Variants in NEBL observed in about 807,000 individuals in gnomAD.
The protein encoded by NEBL is nebulette, also known as LIM and SH3 protein 2.
In NEBL, 122 loss-of-function variants were observed where a neutral mutation model predicts 140.2. That is an observed-to-expected ratio of 0.87 (90% confidence interval 0.75 to 1.01). The LOEUF is 1.01. Ranked by LOEUF, NEBL falls within the 50% of genes least tolerant of loss-of-function variation. The probability of loss-of-function intolerance (pLI) is 0.00; values close to 1 mark genes in which losing one functional copy is unlikely to be tolerated. For missense variants in NEBL, 1,365 were observed against 1,231.3 expected (o/e 1.11, Z -1.62); for synonymous variants, 436 against 398.9 (o/e 1.09, Z -1.11).
intron 2 of NEBL, among the ~76,000 whole-genome samples, chr10:21,097,464 A>T (rs946683670): frequency 6.6e-6 from 1 of 152,180 alleles, no homozygotes; most frequent in African/African-American, 2.4e-5. Flanking sequence ...GTCCCCAAAA[A>T]AATACATAAA....
intron 3 of NEBL, among the ~76,000 whole-genome samples, chr10:20,963,169 T>G (rs1233157787): frequency 6.6e-6 from 1 of 152,140 alleles, no homozygotes; most frequent in Non-Finnish European, 1.5e-5. Flanking sequence ...TCAAATAAAC[T>G]GCAATATTTT....
At chr10:21,233,774 A>AATGCATATAT (rs1346762966) in intron 3 of NEBL, among the ~76,000 whole-genome samples, 1 of 131,576 alleles carries the variant, frequency 7.6e-6, no homozygotes, top group Non-Finnish European at 1.6e-5. Flanking sequence ...ATTACATATA[A>AATGCATATAT]ATGCATATAT....
intron 2 of NEBL, among the ~76,000 whole-genome samples, chr10:21,101,151 G>T (rs1229356756): frequency 6.6e-6 from 1 of 152,182 alleles, no homozygotes; most frequent in Non-Finnish European, 1.5e-5. Context: ...TCCCCTCTGT[G>T]TCACTTCCTG....
At chr10:20,962,008 C>T (rs755243877) in intron 3 of NEBL, among the ~76,000 whole-genome samples, 31 of 152,162 alleles carry the variant, frequency 2.0e-4, no homozygotes, top group Non-Finnish European at 3.8e-4. Flanking sequence ...ACTCTGTGCT[C>T]AGTGGTGTCA....
At chr10:20,878,228 CAA>C (rs1325674369) in intron 5 of NEBL, among the ~76,000 whole-genome samples, 2 of 152,100 alleles carry the variant, frequency 1.3e-5, no homozygotes, top group East Asian at 1.9e-4. Flanking sequence ...ACTAAAGGCA[CAA>C]GAGAGAGACA....
intron 4 of NEBL, among the ~76,000 whole-genome samples, chr10:20,930,783 C>T (rs1340739921): frequency 1.3e-5 from 2 of 152,160 alleles, no homozygotes; most frequent in African/African-American, 4.8e-5. Flanking sequence ...TCCTCTTTTA[C>T]CACACAGGAG....
intron 1 of NEBL, among the ~76,000 whole-genome samples, chr10:21,265,880 G>C (rs1490279591): frequency 2.0e-5 from 3 of 152,212 alleles, no homozygotes; most frequent in Admixed American, 6.5e-5. Flanking sequence ...GTGGTGGCTG[G>C]ATTTGGTCCT....
intron 3 of NEBL, among the ~76,000 whole-genome samples, chr10:21,228,261 C>A (rs977355712): frequency 6.6e-6 from 1 of 152,098 alleles, no homozygotes; most frequent in Non-Finnish European, 1.5e-5. Flanking sequence ...TCACGCAATG[C>A]TCCCGCCTCA....
chr10:21,029,391 C>G, intron 2 of NEBL: 2 of 1,611,472 alleles, frequency 1.2e-6, no homozygotes, highest in Admixed American at 1.7e-5. Context: ...GTGAACCCAG[C>G]AATCCAGAGA....
chr10:20,808,656 T>G lies in NEBL; in HGVS notation c.2615A>C (p.Lys872Thr). Residue 872 changes from lysine (K) to threonine (T), a missense_variant, in exon 26 of 28, where the codon AAG becomes ACG. Transcript: ENST00000377122. ...CCAGTGTCGCCTATAGTGACTCGCC[T>G]TTTCTATATTGGAGGGAAAATATTT... ...QSRSLHMLSEKASHYRRHWSR... is the reference protein window; with the variant it reads ...QSRSLHMLSETASHYRRHWSR... 1 of 1,612,226 alleles carries G rather than the reference T, an allele frequency of 6.2e-7. No individual in the cohort carries two copies. Among genetic ancestry groups the G allele is most frequent in the Non-Finnish European group, 8.5e-7 (1 of 1,178,454 alleles).
chr10:21,070,688 C>T (rs1835778463), intron 2 of NEBL, among the ~76,000 whole-genome samples: 1 of 152,140 alleles, frequency 6.6e-6, no homozygotes, highest in Admixed American at 6.6e-5. Flanking sequence ...TGCTTACCCA[C>T]AACAAGACCT....
chr10:20,898,500 TAC>T (rs1471614078), upstream of NEBL, among the ~76,000 whole-genome samples: 1 of 152,146 alleles, frequency 6.6e-6, no homozygotes, highest in African/African-American at 2.4e-5. Flanking sequence ...AAAAACATTC[TAC>T]ACAGTCATCA....
intron 3 of NEBL, among the ~76,000 whole-genome samples, chr10:21,212,351 G>C (rs922641643): frequency 3.9e-5 from 6 of 151,998 alleles, no homozygotes; most frequent in Admixed American, 3.9e-4. Context: ...GACAAACAAA[G>C]ATTTCCCAAT....
At chr10:20,916,036 T>C (rs955955908) in intron 4 of NEBL, among the ~76,000 whole-genome samples, 1 of 152,260 alleles carries the variant, frequency 6.6e-6, no homozygotes, top group African/African-American at 2.4e-5. Context: ...GATAAACCGT[T>C]ATTAACTAAG....
rs370026081 is a variant in NEBL, at chr10:20,845,253, C to T, written c.1227+5G>A. On this transcript the variant is annotated splice_donor_5th_base_variant and intron_variant, in intron 12 of 27. Coordinates refer to ENST00000377122, the MANE Select transcript of NEBL (RefSeq NM_006393.3). ...AATATTTAATAATAAACACCAAGAT[C>T]GTACCTCCCTCAGAAGGTTGGTGAT... 166 of 1,516,954 alleles carry T rather than the reference C, an allele frequency of 1.1e-4. No individual in the cohort carries two copies. The highest frequency in any genetic ancestry group is 6.8e-4 in the Middle Eastern group (4 of 5,848). 94.0% of individuals were successfully genotyped at this position (1,516,954 alleles called of 1,614,324 possible).
chr10:21,162,849 A>G (rs898524311), intron 2 of NEBL, among the ~76,000 whole-genome samples: 8 of 152,246 alleles, frequency 5.3e-5, no homozygotes, highest in African/African-American at 1.9e-4. Flanking sequence ...TGCCTTAAGG[A>G]TCAAAGTCAC....
upstream of NEBL, among the ~76,000 whole-genome samples, chr10:21,176,759 G>A (rs977994851): frequency 5.3e-5 from 8 of 152,102 alleles, no homozygotes; most frequent in African/African-American, 1.9e-4. Flanking sequence ...TCCGCTGACA[G>A]GGACACTCAC....
At chr10:20,953,060 A>C (rs1835582475) in intron 4 of NEBL, among the ~76,000 whole-genome samples, 1 of 152,102 alleles carries the variant, frequency 6.6e-6, no homozygotes, top group South Asian at 2.1e-4. Context: ...AATACCTCAA[A>C]ATTTCCCTGT....
intron 2 of NEBL, among the ~76,000 whole-genome samples, chr10:21,080,209 T>C (rs1190545667): frequency 6.6e-6 from 1 of 152,204 alleles, no homozygotes; most frequent in Non-Finnish European, 1.5e-5. Context: ...GCACAACACA[T>C]AGATACAACA....
Sources: gnomAD v4.1 joint callset for allele counts (sites outside exome capture counted in the v4.1 genomes callset) on GRCh38, gnomAD v4.1.1 for gene constraint, MANE v1.5 for transcripts, NCBI Gene and HGNC (gene_info 2026-07-23, HGNC 2026-07-21) for gene names.